PPP1R14C: variants seen among roughly 807,000 people sequenced by gnomAD.
PPP1R14C encodes protein phosphatase 1 regulatory subunit 14C.
A neutral mutation model predicts 20.4 loss-of-function variants in PPP1R14C; 16 were observed. The ratio of observed to expected loss-of-function variants is 0.78; its 90% CI spans 0.53 to 1.19. PPP1R14C has a LOEUF of 1.19. Among genes scored for constraint, PPP1R14C ranks in the 50% most tolerant of loss-of-function variants. The pLI is 0.00. For missense variants in PPP1R14C, 211 were observed against 220.1 expected (o/e 0.96, Z 0.26); for synonymous variants, 91 against 91.0 (o/e 1.00, Z 0.00).
At chr6:150,222,915 C>T (rs901128153) in intron 3 of PPP1R14C, among the ~76,000 whole-genome samples, 1 of 151,622 alleles carries the variant, frequency 6.6e-6, no homozygotes, top group African/African-American at 2.4e-5. Flanking sequence ...ATTACAGGCG[C>T]GTGCCACCAC....
intron 1 of PPP1R14C, among the ~76,000 whole-genome samples, chr6:150,203,202 G>A (rs1356796385): frequency 6.6e-6 from 1 of 152,144 alleles, no homozygotes; most frequent in Admixed American, 6.5e-5. Context: ...ATTGCCCTGT[G>A]CTCTGCCTTA....
chr6:150,168,839 A>G (rs535330059), intron 1 of PPP1R14C, among the ~76,000 whole-genome samples: 5 of 152,322 alleles, frequency 3.3e-5, no homozygotes, highest in Admixed American at 6.5e-5. Context: ...ATTTAACTCA[A>G]TGTATCAAAA....
intron 1 of PPP1R14C, among the ~76,000 whole-genome samples, chr6:150,181,280 C>T (rs1023456130): frequency 2.6e-5 from 4 of 152,080 alleles, no homozygotes; most frequent in African/African-American, 9.7e-5. Flanking sequence ...GGGTTTAAGA[C>T]TCTCTTGCCT....
intron 3 of PPP1R14C, among the ~76,000 whole-genome samples, chr6:150,230,382 A>T (rs1031195846): frequency 6.6e-6 from 1 of 152,198 alleles, no homozygotes; most frequent in Admixed American, 6.5e-5. Flanking sequence ...CCCAGGGCAG[A>T]TGGCTCCTGT....
intron 1 of PPP1R14C, among the ~76,000 whole-genome samples, chr6:150,172,051 G>C (rs558587964): frequency 6.6e-6 from 1 of 151,962 alleles, no homozygotes; most frequent in Non-Finnish European, 1.5e-5. Context: ...CAAGTGATCC[G>C]CCCGCCTTGG....
intron 1 of PPP1R14C, among the ~76,000 whole-genome samples, chr6:150,179,512 T>G (rs1348065827): frequency 3.3e-5 from 5 of 152,118 alleles, no homozygotes; most frequent in Admixed American, 3.3e-4. Context: ...AGAGTCCAGA[T>G]AAGTGTCTCG....
In PPP1R14C at chr6:150,145,519, TAAAG is replaced by T. The variant is rs560395296; in HGVS notation, c.306+2025_306+2028del. On this transcript the variant is annotated intron_variant, in intron 1 of 3. Transcript: ENST00000361131. ...CTGGTGGTGTACCTCCATTTAATAATAAAGAAACATGGGCAAATAAGTAGCCAAA... is the reference window on the plus strand; with the variant it reads ...CTGGTGGTGTACCTCCATTTAATAATAAACATGGGCAAATAAGTAGCCAAA... Among the ~76,000 whole-genome samples, 475 of 152,348 alleles carry T rather than the reference TAAAG, an allele frequency of 3.1e-3. 3 individuals are homozygous for T. The highest frequency in any genetic ancestry group is 0.011 in the African/African-American group (458 of 41,580).
At chr6:150,162,173 G>A (rs1777376841) in intron 1 of PPP1R14C, among the ~76,000 whole-genome samples, 1 of 151,776 alleles carries the variant, frequency 6.6e-6, no homozygotes, top group Admixed American at 6.6e-5. Flanking sequence ...TTCTGCCTCA[G>A]CCTCCCGAGC....
chr6:150,208,114 T>A lies in PPP1R14C; in HGVS notation c.307-6630T>A, dbSNP rs559604809. Reference sequence around the variant, plus strand: ...ATGAGGGTGTGCCCCCATGACCTAATCACCTCTGAAGGTTCCCATTACCTC... The same window carrying A: ...ATGAGGGTGTGCCCCCATGACCTAAACACCTCTGAAGGTTCCCATTACCTC... On this transcript the variant is annotated intron_variant, in intron 1 of 3. Coordinates refer to ENST00000361131, the MANE Select transcript of PPP1R14C (RefSeq NM_030949.3). 1.9e-3 allele frequency among the ~76,000 whole-genome samples: 283 copies of A among 152,292 alleles called. 2 individuals are homozygous for A. The highest frequency in any genetic ancestry group is 3.4e-3 in the Middle Eastern group (1 of 294).
At chr6:150,236,613 C>CTGTGTGTGTGTGTGTGTGTGTGTGTG (rs142109127) in intron 3 of PPP1R14C, among the ~76,000 whole-genome samples, 2,348 of 143,372 alleles carry the variant, frequency 0.016, 22 homozygotes, top group Middle Eastern at 0.029. Context: ...GTTGGTGCCA[C>CTGTGTGTGTGTGTGTGTGTGTGTGTG]TGTGTGTGTG....
intron 1 of PPP1R14C, among the ~76,000 whole-genome samples, chr6:150,171,831 G>A (rs979910239): frequency 2.6e-5 from 4 of 151,576 alleles, no homozygotes; most frequent in East Asian, 1.9e-4. Context: ...TTTTTGAGAC[G>A]GAGTCTTGCT....
intron 1 of PPP1R14C, among the ~76,000 whole-genome samples, chr6:150,154,167 G>T (rs7738204): frequency 0.62 from 94,431 of 152,066 alleles, 29,969 homozygotes; most frequent in Non-Finnish European, 0.65. Context: ...ACTGACATTA[G>T]ATTGCAAATG....
At chr6:150,222,069 G>C (rs1263480778) in intron 3 of PPP1R14C, among the ~76,000 whole-genome samples, 1 of 150,060 alleles carries the variant, frequency 6.7e-6, no homozygotes, top group East Asian at 1.9e-4. Flanking sequence ...AAAGTGCTGG[G>C]ATTACAGGTA....
chr6:150,162,039 C>T (rs566407662), intron 1 of PPP1R14C, among the ~76,000 whole-genome samples: 78 of 148,088 alleles, frequency 5.3e-4, no homozygotes, highest in African/African-American at 1.5e-3. Context: ...TACCCCCCTC[C>T]GTTTATTTTC....
rs1159294446 is a variant in PPP1R14C at position 150,249,111 on chromosome 6, G to T, written c.*291G>T. ...AGGTGGACACTCAAGGAAGGGCCACGCCAGGCTGCGTTTCCTGCAAGGACT... is the reference window on the plus strand; with the variant it reads ...AGGTGGACACTCAAGGAAGGGCCACTCCAGGCTGCGTTTCCTGCAAGGACT... On this transcript the variant is annotated 3_prime_UTR_variant, in exon 4 of 4. Transcript: ENST00000361131. 1 of 412,160 alleles carries T rather than the reference G, an allele frequency of 2.4e-6. No individual in the cohort carries two copies. Among genetic ancestry groups the T allele is most frequent in the East Asian group, 3.5e-5 (1 of 28,832 alleles). The allele number at this position is 412,160 out of a possible 1,614,324, so 25.5% of individuals were successfully genotyped here. A position where few individuals can be genotyped will look rare whatever the true frequency, so the allele number is the denominator to read the frequency against.
intron 1 of PPP1R14C, among the ~76,000 whole-genome samples, chr6:150,184,659 G>A (rs1777658216): frequency 6.6e-6 from 1 of 152,074 alleles, no homozygotes; most frequent in Non-Finnish European, 1.5e-5. Flanking sequence ...CGGACAAGTG[G>A]CCTCTCTTTT....
intron 3 of PPP1R14C, among the ~76,000 whole-genome samples, chr6:150,240,997 G>A (rs964844477): frequency 1.3e-5 from 2 of 151,812 alleles, no homozygotes; most frequent in Non-Finnish European, 2.9e-5. Flanking sequence ...CTAATCTGTT[G>A]GAATTTCCTG....
chr6:150,166,322 T>C (rs1387706502), intron 1 of PPP1R14C, among the ~76,000 whole-genome samples: 2 of 152,024 alleles, frequency 1.3e-5, no homozygotes, highest in Non-Finnish European at 2.9e-5. Context: ...CCTCATGATC[T>C]ACCCGCCTCG....
intron 2 of PPP1R14C, among the ~76,000 whole-genome samples, chr6:150,216,108 A>G (rs1483571215): frequency 1.3e-5 from 2 of 152,264 alleles, no homozygotes; most frequent in African/African-American, 4.8e-5. Flanking sequence ...CTACTAAATT[A>G]GTCCACATCT....
Sources: allele counts gnomAD v4.1 joint callset (sites outside exome capture counted in the v4.1 genomes callset), GRCh38; gene constraint gnomAD v4.1.1; transcripts MANE v1.5; gene names NCBI Gene and HGNC (gene_info 2026-07-23, HGNC 2026-07-21).